Variants in GPR39 observed in about 807,000 individuals in gnomAD.
GPR39 encodes zinc sensing receptor.
Under a neutral mutation model 18.4 loss-of-function variants are expected in GPR39, and 23 were observed. The observed-to-expected ratio is 1.25, with a 90% CI of 0.90 to 1.77. GPR39 has a LOEUF of 1.77. Ranked by LOEUF, GPR39 falls within the 40% of genes most tolerant of loss-of-function variation. The pLI is 0.00. For missense variants in GPR39, 647 were observed against 602.4 expected (o/e 1.07, Z -0.78); for synonymous variants, 280 against 257.9 (o/e 1.09, Z -0.82).
At chr2:132,540,198 C>G (rs1679836800) in intron 1 of GPR39, among the ~76,000 whole-genome samples, 1 of 152,094 alleles carries the variant, frequency 6.6e-6, no homozygotes. Flanking sequence ...GAAAACTTTT[C>G]CTTCCAATGC....
chr2:132,555,527 A>G (rs899426546), intron 1 of GPR39, among the ~76,000 whole-genome samples: 2 of 152,144 alleles, frequency 1.3e-5, no homozygotes, highest in Admixed American at 6.5e-5. Context: ...TATTCTGGGT[A>G]GGGCTACTTG....
chr2:132,436,936 A>G (rs145679302), intron 1 of GPR39, among the ~76,000 whole-genome samples: 226 of 152,334 alleles, frequency 1.5e-3, no homozygotes, highest in African/African-American at 4.9e-3. Context: ...ATCTTTTTGT[A>G]TGCTCATTCA....
intron 1 of GPR39, among the ~76,000 whole-genome samples, chr2:132,555,303 C>A (rs1376149389): frequency 1.3e-5 from 2 of 152,152 alleles, no homozygotes; most frequent in African/African-American, 4.8e-5. Flanking sequence ...TTACCCAAAA[C>A]CTAGTGCCTT....
intron 1 of GPR39, among the ~76,000 whole-genome samples, chr2:132,609,329 G>GTGCCAGGTA (rs1452971277): frequency 2.6e-5 from 4 of 152,148 alleles, no homozygotes; most frequent in Non-Finnish European, 4.4e-5. Context: ...CACTTGCTCC[G>GTGCCAGGTA]TGCCAGGTAT....
chr2:132,444,527 G>A (rs1035686609), intron 1 of GPR39, among the ~76,000 whole-genome samples: 1 of 152,096 alleles, frequency 6.6e-6, no homozygotes, highest in African/African-American at 2.4e-5. Context: ...ACCTCAAGCA[G>A]TCTTCCTGCC....
chr2:132,478,813 C>A (rs1185428347), intron 1 of GPR39, among the ~76,000 whole-genome samples: 1 of 152,126 alleles, frequency 6.6e-6, no homozygotes, highest in Non-Finnish European at 1.5e-5. Context: ...AAGTGACCAG[C>A]TGCACATGGT....
chr2:132,477,527 A>G lies in GPR39; in HGVS notation c.856+59629A>G, dbSNP rs563418115. On this transcript the variant is annotated intron_variant, in intron 1 of 1. Transcript: ENST00000329321. ...GCTGCAGTGAGCTGTGAATGTGCCAATGCACTCCAGCCTGGGCCACAGAGC... is the reference window on the plus strand; with the variant it reads ...GCTGCAGTGAGCTGTGAATGTGCCAGTGCACTCCAGCCTGGGCCACAGAGC... Among the ~76,000 whole-genome samples the G allele has an allele frequency of 2.2e-3, 336 of 152,174 alleles. 1 individual carries two copies. Among genetic ancestry groups the G allele is most frequent in the Non-Finnish European group, 3.8e-3 (257 of 67,974 alleles).
chr2:132,637,244 T>G (rs1681778430), intron 1 of GPR39, among the ~76,000 whole-genome samples: 1 of 152,194 alleles, frequency 6.6e-6, no homozygotes, highest in African/African-American at 2.4e-5. Flanking sequence ...TAGAAATATG[T>G]GTTTGTTATG....
intron 1 of GPR39, among the ~76,000 whole-genome samples, chr2:132,541,131 T>A (rs1182896979): frequency 2.0e-5 from 3 of 152,174 alleles, no homozygotes; most frequent in East Asian, 3.9e-4. Flanking sequence ...TCAACCAGGC[T>A]GGAGTGCAGT....
At chr2:132,491,974 T>C (rs992811435) in intron 1 of GPR39, among the ~76,000 whole-genome samples, 21 of 151,478 alleles carry the variant, frequency 1.4e-4, no homozygotes, top group African/African-American at 5.1e-4. Context: ...CTCAAAAAAA[T>C]TCATTATTAA....
In GPR39 at chr2:132,552,567, A is replaced by G. The variant is rs186217499; in HGVS notation, c.857-92534A>G. Among the ~76,000 whole-genome samples, 8 of 152,284 alleles carry G rather than the reference A, an allele frequency of 5.3e-5. 1 individual carries two copies. The highest frequency in any genetic ancestry group is 1.4e-4 in the African/African-American group (6 of 41,560). Reference sequence around the variant, plus strand: ...CCAGTCTCAGGTATTCTTCATAGCAATGCAACAACAGCCTAACACATAATA... The same window carrying G: ...CCAGTCTCAGGTATTCTTCATAGCAGTGCAACAACAGCCTAACACATAATA... On this transcript the variant is annotated intron_variant, in intron 1 of 1. Coordinates refer to ENST00000329321, the MANE Select transcript of GPR39 (RefSeq NM_001508.3).
chr2:132,611,221 G>A (rs1330204088), intron 1 of GPR39, among the ~76,000 whole-genome samples: 1 of 152,216 alleles, frequency 6.6e-6, no homozygotes, highest in Non-Finnish European at 1.5e-5. Flanking sequence ...ACTGGTGGCT[G>A]CACTGTCTGA....
chr2:132,438,508 T>C (rs376553989), intron 1 of GPR39, among the ~76,000 whole-genome samples: 10 of 151,392 alleles, frequency 6.6e-5, no homozygotes, highest in African/African-American at 2.2e-4. Context: ...AGGTCAGGGG[T>C]TAGCAAATTA....
chr2:132,473,690 G>A lies in GPR39; in HGVS notation c.856+55792G>A, dbSNP rs116114366. On this transcript the variant is annotated intron_variant, in intron 1 of 1. Coordinates refer to ENST00000329321, the MANE Select transcript of GPR39 (RefSeq NM_001508.3). ...GCGACTACCACTTGGCTAATTGTAC[G>A]GTAGCTTATGGCCATCTGCTATGCT... Among the ~76,000 whole-genome samples, 520 of 152,260 alleles carry A rather than the reference G, an allele frequency of 3.4e-3. 4 individuals carry two copies. The highest frequency in any genetic ancestry group is 0.011 in the African/African-American group (467 of 41,550).
chr2:132,529,634 G>A (rs1679575781), intron 1 of GPR39, among the ~76,000 whole-genome samples: 1 of 152,168 alleles, frequency 6.6e-6, no homozygotes, highest in Non-Finnish European at 1.5e-5. Flanking sequence ...TCACACGGCC[G>A]GGTACTCCTC....
chr2:132,582,305 A>C (rs116685904), intron 1 of GPR39, among the ~76,000 whole-genome samples: 3,091 of 152,358 alleles, frequency 0.02, 113 homozygotes, highest in African/African-American at 0.068. Flanking sequence ...CAGAGACTGC[A>C]GTGTTAAAGA....
intron 1 of GPR39, among the ~76,000 whole-genome samples, chr2:132,543,193 G>C (rs1384625875): frequency 6.6e-6 from 1 of 152,208 alleles, no homozygotes; most frequent in Non-Finnish European, 1.5e-5. Flanking sequence ...GAAGTGTCCT[G>C]AAAGCAGGTT....
At chr2:132,475,475 T>C (rs1311874760) in intron 1 of GPR39, among the ~76,000 whole-genome samples, 3 of 151,792 alleles carry the variant, frequency 2.0e-5, no homozygotes, top group Non-Finnish European at 4.4e-5. Flanking sequence ...TTTCGACAAG[T>C]TGATTGAGGG....
chr2:132,606,908 G>C (rs1681148867), intron 1 of GPR39, among the ~76,000 whole-genome samples: 1 of 152,190 alleles, frequency 6.6e-6, no homozygotes, highest in South Asian at 2.1e-4. Flanking sequence ...CCCTAACCAA[G>C]GGAGAAGTAG....
Sources: allele counts gnomAD v4.1 joint callset (sites outside exome capture counted in the v4.1 genomes callset), GRCh38; gene constraint gnomAD v4.1.1; transcripts MANE v1.5; gene names NCBI Gene and HGNC (gene_info 2026-07-23, HGNC 2026-07-21).